RERG: variants seen among roughly 807,000 people sequenced by gnomAD.
RERG encodes the protein RAS like estrogen regulated growth inhibitor.
Under a neutral mutation model 23.2 loss-of-function variants are expected in RERG, and 25 were observed. The ratio of observed to expected loss-of-function variants is 1.08; its 90% confidence interval spans 0.79 to 1.50. The LOEUF is 1.50. Ranked by LOEUF, RERG falls within the 40% of genes most tolerant of loss-of-function variation. The pLI is 0.00. For synonymous variants in RERG, 81 were observed against 89.1 expected (o/e 0.91, Z 0.51); for missense variants, 253 against 250.1 (o/e 1.01, Z -0.08).
intron 2 of RERG, among the ~76,000 whole-genome samples, chr12:15,160,258 C>T (rs2136112658): frequency 6.6e-6 from 1 of 152,012 alleles, no homozygotes; most frequent in African/African-American, 2.4e-5. Context: ...TTCACGAATT[C>T]TAAGTACAAA....
chr12:15,111,430 G>A lies in RERG; in HGVS notation c.119-13C>T, dbSNP rs1159273923. The stretch of plus-strand genomic sequence containing the variant: ...CGGTAGGTTGATTCTAAGGGAATGA[G>A]CAAATAAAAAAGACAAAAAGATAAA... On this transcript the variant is annotated splice_polypyrimidine_tract_variant and intron_variant, in intron 3 of 4. Coordinates refer to ENST00000256953, the MANE Select transcript of RERG (RefSeq NM_032918.3). 3 of 1,594,500 alleles carry A rather than the reference G, an allele frequency of 1.9e-6. No individual in the cohort carries two copies. Among genetic ancestry groups the A allele is most frequent in the South Asian group, 2.3e-5 (2 of 87,592 alleles).
intron 2 of RERG, among the ~76,000 whole-genome samples, chr12:15,188,759 T>C (rs976260518): frequency 3.3e-5 from 5 of 151,922 alleles, no homozygotes; most frequent in Non-Finnish European, 5.9e-5. Flanking sequence ...CTTAAAAGGG[T>C]TTTTCAGCTG....
intron 2 of RERG, among the ~76,000 whole-genome samples, chr12:15,194,729 T>C (rs777871658): frequency 2.6e-5 from 4 of 152,136 alleles, no homozygotes; most frequent in Non-Finnish European, 5.9e-5. Context: ...CAGGATCTCT[T>C]GCTGTGTCCA....
chr12:15,215,497 G>A (rs1353059590), intron 2 of RERG, among the ~76,000 whole-genome samples: 1 of 152,192 alleles, frequency 6.6e-6, no homozygotes, highest in Non-Finnish European at 1.5e-5. Context: ...ATGATAGAAA[G>A]AAGTCTAAGA....
At chr12:15,212,808 G>C (rs1403113778) in intron 2 of RERG, among the ~76,000 whole-genome samples, 1 of 151,990 alleles carries the variant, frequency 6.6e-6, no homozygotes, top group East Asian at 1.9e-4. Context: ...TTTTAAAGCA[G>C]GTTTTGACGG....
chr12:15,186,315 T>C (rs902816930), intron 2 of RERG, among the ~76,000 whole-genome samples: 1 of 152,054 alleles, frequency 6.6e-6, no homozygotes, highest in African/African-American at 2.4e-5. Context: ...TCAGCATTTA[T>C]AGCAATTCAT....
At chr12:15,110,004 G>C (rs981342568) in intron 4 of RERG, among the ~76,000 whole-genome samples, 1 of 152,002 alleles carries the variant, frequency 6.6e-6, no homozygotes, top group East Asian at 1.9e-4. Flanking sequence ...TCTTTCTTCA[G>C]ATTATAGACA....
chr12:15,141,141 T>C (rs1008101509), intron 2 of RERG, among the ~76,000 whole-genome samples: 2 of 150,746 alleles, frequency 1.3e-5, no homozygotes, highest in African/African-American at 4.9e-5. Context: ...GGGAGGTTCC[T>C]ATTGATGTGT....
In RERG at chr12:15,133,150, T is replaced by G. The variant is rs1409123118; in HGVS notation, c.62-12031A>C. On this transcript the variant is annotated intron_variant, in intron 2 of 4. Transcript: ENST00000256953. ...TGGGGTTGTATATCCTGTGGAGATA[T>G]ATATATATATATATATATATATATG... 3.9e-3 allele frequency among the ~76,000 whole-genome samples: 478 copies of G among 122,036 alleles called. 3 individuals are homozygous for G. The highest frequency in any genetic ancestry group is 6.4e-3 in the Non-Finnish European group (398 of 61,924). The allele number at this position is 122,036 out of a possible 152,430, so 80.1% of individuals were successfully genotyped here. A position where few individuals can be genotyped will look rare whatever the true frequency, so the allele number is the denominator to read the frequency against.
At chr12:15,181,028 G>C (rs753938935) in intron 2 of RERG, among the ~76,000 whole-genome samples, 1 of 151,808 alleles carries the variant, frequency 6.6e-6, no homozygotes, top group African/African-American at 2.4e-5. Context: ...CCCTCCCCTC[G>C]CTGGGGAAAT....
intron 2 of RERG, among the ~76,000 whole-genome samples, chr12:15,154,614 A>G (rs1353890178): frequency 1.3e-5 from 2 of 152,202 alleles, no homozygotes; most frequent in African/African-American, 2.4e-5. Context: ...GCAACCATGG[A>G]CATCCGCTGA....
chr12:15,118,543 C>T (rs1010438660), intron 3 of RERG, among the ~76,000 whole-genome samples: 12 of 152,164 alleles, frequency 7.9e-5, no homozygotes, highest in African/African-American at 2.9e-4. Flanking sequence ...TGTGTCTCCA[C>T]CCAAATCTCA....
chr12:15,217,701 C>T (rs1865462230), intron 1 of RERG, 98 bp from the exon 2 acceptor site: 1 of 513,838 alleles, frequency 1.9e-6, no homozygotes, highest in African/African-American at 1.9e-5. Context: ...ACTTTTTCAA[C>T]ATTTTCTGGT....
intron 4 of RERG, 108 bp from the exon 5 acceptor site, chr12:15,109,625 T>C: frequency 8.2e-6 from 7 of 849,504 alleles, no homozygotes; most frequent in Non-Finnish European, 1.3e-5. Context: ...ATATCCAAAG[T>C]CATTAAAATG....
At chr12:15,159,326 C>T (rs1287418151) in intron 2 of RERG, among the ~76,000 whole-genome samples, 1 of 152,136 alleles carries the variant, frequency 6.6e-6, no homozygotes, top group East Asian at 1.9e-4. Flanking sequence ...GTAGTTCATG[C>T]TTTTGCATAA....
chr12:15,162,467 G>C (rs1245122591), intron 2 of RERG, among the ~76,000 whole-genome samples: 2 of 152,146 alleles, frequency 1.3e-5, no homozygotes, highest in East Asian at 3.8e-4. Flanking sequence ...CTCATTCTTA[G>C]AGACAGGTCC....
At chr12:15,195,551 C>CTGTGTG (rs71042238) in intron 2 of RERG, among the ~76,000 whole-genome samples, 2,016 of 128,240 alleles carry the variant, frequency 0.016, 30 homozygotes, top group African/African-American at 0.045. Context: ...GCAAGCTTGG[C>CTGTGTG]TGTGTGTGTG....
intron 2 of RERG, among the ~76,000 whole-genome samples, chr12:15,178,834 C>T: frequency 6.6e-6 from 1 of 152,174 alleles, no homozygotes; most frequent in East Asian, 1.9e-4. Flanking sequence ...AGAGATTACC[C>T]CTGTCAATAT....
chr12:15,193,645 G>A (rs1055467857), intron 2 of RERG, among the ~76,000 whole-genome samples: 5 of 152,114 alleles, frequency 3.3e-5, no homozygotes, highest in African/African-American at 9.7e-5. Context: ...GACAGCTTTA[G>A]AAACTTTTAT....
Sources: allele counts gnomAD v4.1 joint callset (sites outside exome capture counted in the v4.1 genomes callset), GRCh38; gene constraint gnomAD v4.1.1; transcripts MANE v1.5; gene names NCBI Gene and HGNC (gene_info 2026-07-23, HGNC 2026-07-21).